DSTYK: variants seen among roughly 807,000 people sequenced by gnomAD.
DSTYK encodes RIP-homologous kinase.
Under a neutral mutation model 98.7 loss-of-function variants are expected in DSTYK, and 34 were observed. That is an observed-to-expected ratio of 0.34 (90% confidence interval 0.26 to 0.46). The LOEUF (loss-of-function observed/expected upper bound fraction) is 0.46, where lower values mean the gene tolerates loss of function less well. DSTYK is among the 20% of genes least tolerant of loss of function. DSTYK has a pLI of 1.00. For missense variants in DSTYK, 962 were observed against 1,181.7 expected (o/e 0.81, Z 2.73); for synonymous variants, 462 against 457.3 (o/e 1.01, Z -0.13).
chr1:205,161,226 C>T, intron 7 of DSTYK, 32 bp downstream of exon 7: 1 of 1,612,236 alleles, frequency 6.2e-7, no homozygotes, highest in Non-Finnish European at 8.5e-7. Context: ...CTGAACCATC[C>T]TCCAGTTTAT....
At chr1:205,197,775 A>T (rs1181070058) in intron 1 of DSTYK, among the ~76,000 whole-genome samples, 1 of 152,226 alleles carries the variant, frequency 6.6e-6, no homozygotes, top group Non-Finnish European at 1.5e-5. Flanking sequence ...GCACTGATCT[A>T]AGCAAGTAGT....
chr1:205,179,561 CA>C (rs1331814182), intron 2 of DSTYK, among the ~76,000 whole-genome samples: 42 of 148,644 alleles, frequency 2.8e-4, no homozygotes, highest in Non-Finnish European at 4.9e-4. Context: ...GCAGAGCTTG[CA>C]GTGAGCCGAG....
Position 205,161,943 on chromosome 1 carries a change from T to C in DSTYK, c.1818+93A>G, listed in dbSNP as rs200564602. 21 of 975,240 alleles carry C rather than the reference T, an allele frequency of 2.2e-5. No homozygotes were observed. Among genetic ancestry groups the C allele is most frequent in the Non-Finnish European group, 3.0e-5 (20 of 667,610 alleles). 60.4% of individuals were successfully genotyped at this position (975,240 alleles called of 1,614,324 possible). On this transcript the variant is annotated intron_variant, in intron 6 of 12. Coordinates refer to ENST00000367162, the MANE Select transcript of DSTYK (RefSeq NM_015375.3). ...GTATACACACACAGACACACACACA[T>C]ATTATATATGAAGAGCGGAGAGCGA...
At chr1:205,206,286 T>G (rs1347303174) in intron 1 of DSTYK, among the ~76,000 whole-genome samples, 1 of 147,528 alleles carries the variant, frequency 6.8e-6, no homozygotes, top group Non-Finnish European at 1.5e-5. Flanking sequence ...TTTTTTTTAG[T>G]TTTTTGTTTT....
chr1:205,191,649 G>A (rs147697086), intron 1 of DSTYK, among the ~76,000 whole-genome samples: 2 of 152,130 alleles, frequency 1.3e-5, no homozygotes, highest in East Asian at 1.9e-4. Flanking sequence ...ATTTAATTAC[G>A]CAAGTGCCCC....
At chr1:205,178,083 A>G (rs1357115759) in intron 2 of DSTYK, among the ~76,000 whole-genome samples, 1 of 152,160 alleles carries the variant, frequency 6.6e-6, no homozygotes, top group Non-Finnish European at 1.5e-5. Context: ...ATCAGTGTGT[A>G]ACTCAGGCCA....
In DSTYK at chr1:205,169,384, T is replaced by C. The variant is rs369636944; in HGVS notation, c.1103A>G (p.His368Arg). 1 of 1,614,160 alleles carries C rather than the reference T, an allele frequency of 6.2e-7. No individual in the cohort carries two copies. The highest frequency in any genetic ancestry group is 2.2e-5 in the East Asian group (1 of 44,884). Residue 368 changes from histidine (H) to arginine (R), a missense_variant, in exon 3 of 13, where the codon CAC becomes CGC. By Grantham distance (29) the His-to-Arg change is conservative. Around this residue, in one of 4 missense-constraint regions of DSTYK, gnomAD observed 660 missense variants for 855.0 expected, o/e 0.77. Transcript: ENST00000367162. This position sits in a 1 kb window ranked among gnomAD's most constrained non-coding sequence, Gnocchi z 4.0. Reference sequence around the variant, plus strand: ...CTGGTTAATAAAGATGTCAAGGCAGTGGCAGTGCACCAGGTTCAGGGCCTT... The same window carrying C: ...CTGGTTAATAAAGATGTCAAGGCAGCGGCAGTGCACCAGGTTCAGGGCCTT... ...AAKALNLVHC[H>R]CLDIFINQAF... is the part of the protein sequence containing the mutation.
intron 2 of DSTYK, among the ~76,000 whole-genome samples, chr1:205,178,775 TGC>T (rs1040866292): frequency 2.1e-4 from 32 of 152,278 alleles, no homozygotes; most frequent in African/African-American, 7.2e-4. Context: ...GCTTACTATG[TGC>T]CAGACACTGT....
At chr1:205,200,587 C>G (rs1313196657) in intron 1 of DSTYK, among the ~76,000 whole-genome samples, 3 of 152,226 alleles carry the variant, frequency 2.0e-5, no homozygotes, top group African/African-American at 7.2e-5. Context: ...GTAGAAAATC[C>G]TCTGGGAGAG....
At chr1:205,165,170 T>C (rs1265343136) in intron 3 of DSTYK, among the ~76,000 whole-genome samples, 1 of 152,158 alleles carries the variant, frequency 6.6e-6, no homozygotes, top group Non-Finnish European at 1.5e-5. Context: ...CTCGGCTCAC[T>C]GCAACCTCCG....
Position 205,160,155 on chromosome 1 carries a change from CT to C in DSTYK, c.2063del (p.Glu688GlyfsTer14). Reference sequence around the variant, plus strand: ...CCAAAGCCAGATCATTCCAGTGCTTCTCATCTGGAGGGACAACTGATTTGAG... The same window carrying C: ...CCAAAGCCAGATCATTCCAGTGCTTCCATCTGGAGGGACAACTGATTTGAG... ...CALKSVVPPDEKHWNDLALEF... is the reference protein window; with the variant it reads ...CALKSVVPPDXKHWNDLALEF... On this transcript the variant is annotated frameshift_variant, in exon 8 of 13. Transcript: ENST00000367162. LOFTEE classifies it high-confidence loss of function. 1 of 1,614,158 alleles carries C rather than the reference CT, an allele frequency of 6.2e-7. No homozygotes were observed. The highest frequency in any genetic ancestry group is 8.5e-7 in the Non-Finnish European group (1 of 1,179,990).
intron 11 of DSTYK, 30 bp from the exon 12 acceptor site, chr1:205,148,369 A>T: frequency 6.2e-7 from 1 of 1,609,512 alleles, no homozygotes; most frequent in Non-Finnish European, 8.5e-7. Flanking sequence ...AAACGTAATG[A>T]GCCACAGAGA....
intron 1 of DSTYK, among the ~76,000 whole-genome samples, chr1:205,210,033 T>G (rs560864617): frequency 1.6e-4 from 25 of 152,142 alleles, no homozygotes; most frequent in African/African-American, 5.8e-4. Context: ...CCCCAGTGGC[T>G]GAGATTACAG....
intron 1 of DSTYK, chr1:205,202,187 G>A (rs909353746): frequency 8.9e-6 from 5 of 561,218 alleles, no homozygotes; most frequent in African/African-American, 1.9e-5. Context: ...GGTAATCCGT[G>A]AAAATGGTTC....
chr1:205,198,727 A>G (rs544716078), intron 1 of DSTYK, among the ~76,000 whole-genome samples: 2 of 152,280 alleles, frequency 1.3e-5, no homozygotes, highest in South Asian at 4.1e-4. Flanking sequence ...TTTAAAAAAA[A>G]CAAAAACAAA....
Position 205,169,427 on chromosome 1 carries a change from G to A in DSTYK, c.1060C>T (p.Arg354Cys), listed in dbSNP as rs573628666. The change falls in exon 3 of 13, where the codon CGC (arginine) becomes TGC (cysteine). Residue 354 changes from arginine to cysteine, a missense_variant. Transcript: ENST00000367162. This position sits in a 1 kb window ranked among gnomAD's most constrained non-coding sequence, Gnocchi z 4.0. ...AGGGCCTTGGCTGCATCCACCAGGC[G>A]AGTCTGTAACACCTGGTGAGAAAAT... The part of the protein sequence containing the change: ...STFSHQVLQT[R>C]LVDAAKALNL... 1.2e-5 allele frequency: 19 copies of A among 1,614,128 alleles called. No homozygotes were observed. Among genetic ancestry groups the A allele is most frequent in the Non-Finnish European group, 1.4e-5 (17 of 1,180,036 alleles).
chr1:205,163,670 A>G (rs1016282831), intron 4 of DSTYK, 53 bp downstream of exon 4: 6 of 1,449,882 alleles, frequency 4.1e-6, no homozygotes, highest in Non-Finnish European at 5.7e-6. Flanking sequence ...ACTTGTGCAG[A>G]TTTTTCATGT....
At chr1:205,193,069 T>C (rs1473574008) in intron 1 of DSTYK, among the ~76,000 whole-genome samples, 3 of 152,134 alleles carry the variant, frequency 2.0e-5, no homozygotes, top group Non-Finnish European at 4.4e-5. Flanking sequence ...GAATAAAGCA[T>C]ATGGAGAAAA....
Position 205,150,872 on chromosome 1 carries a change from AG to A in DSTYK, c.2353-79del, listed in dbSNP as rs1657382960. Reference sequence around the variant, plus strand: ...CTGCTGCGTACCTAAGCTCAAAGGTAGGTACCTCAAAGTAGTGTCACTGGAT... The same window carrying A: ...CTGCTGCGTACCTAAGCTCAAAGGTAGTACCTCAAAGTAGTGTCACTGGAT... On this transcript the variant is annotated intron_variant, in intron 10 of 12. Transcript: ENST00000367162. This position sits in a 1 kb window ranked among gnomAD's most constrained non-coding sequence, Gnocchi z 4.1. The A allele has an allele frequency of 8.9e-7, 1 of 1,119,744 alleles. No individual in the cohort carries two copies. The highest frequency in any genetic ancestry group is 1.4e-6 in the Non-Finnish European group (1 of 739,862). 69.4% of individuals were successfully genotyped at this position (1,119,744 alleles called of 1,614,324 possible). A position where few individuals can be genotyped will look rare whatever the true frequency, so the allele number is the denominator to read the frequency against.
Sources: gnomAD v4.1 joint callset for allele counts (sites outside exome capture counted in the v4.1 genomes callset) on GRCh38, gnomAD v4.1.1 for gene constraint, gnomAD v4.1.1 regional missense constraint, Gnocchi (gnomAD v3.1) non-coding constraint, MANE v1.5 for transcripts, NCBI Gene and HGNC (gene_info 2026-07-23, HGNC 2026-07-21) for gene names.